Variants in KLHL5 observed in about 807,000 individuals in gnomAD.
The protein encoded by KLHL5 is kelch like family member 5, also known as kelch-like protein 5.
In KLHL5, 48 loss-of-function variants were observed where a neutral mutation model predicts 77.7. The observed-to-expected ratio is 0.62, with a 90% CI of 0.49 to 0.79. The LOEUF (loss-of-function observed/expected upper bound fraction) is 0.79. Ranked by LOEUF, KLHL5 falls within the 30% of genes least tolerant of loss-of-function variation. The pLI is 0.00. For synonymous variants in KLHL5, 260 were observed against 297.0 expected (o/e 0.88, Z 1.28); for missense variants, 723 against 859.7 (o/e 0.84, Z 1.99).
chr4:39,059,217 T>A (rs1306717338), upstream of KLHL5, among the ~76,000 whole-genome samples: 1 of 152,156 alleles, frequency 6.6e-6, no homozygotes, highest in Non-Finnish European at 1.5e-5. Context: ...GGCATTAATG[T>A]TTAAGCTTAC....
At chr4:39,096,925 T>C in intron 6 of KLHL5, 47 bp downstream of exon 6, 1 of 1,488,146 alleles carries the variant, frequency 6.7e-7, no homozygotes, top group Non-Finnish European at 9.4e-7. Context: ...GAGAAAAAGA[T>C]ATTTTAATAA....
intron 5 of KLHL5, among the ~76,000 whole-genome samples, chr4:39,091,355 G>A (rs182318195): frequency 2.0e-4 from 31 of 152,044 alleles, no homozygotes; most frequent in African/African-American, 7.2e-4. Flanking sequence ...TCAACTACTG[G>A]ACTCAAGTGA....
chr4:39,101,998 G>C (rs1721619500), intron 6 of KLHL5, among the ~76,000 whole-genome samples: 1 of 144,374 alleles, frequency 6.9e-6, no homozygotes. Flanking sequence ...ATATATGCAT[G>C]CAGAGGTAGA....
At chr4:39,113,971 A>AGTGT (rs1000446971) in intron 9 of KLHL5, among the ~76,000 whole-genome samples, 2 of 151,680 alleles carry the variant, frequency 1.3e-5, no homozygotes, top group East Asian at 3.9e-4. Flanking sequence ...TGTGACAGAG[A>AGTGT]GTGTGTGTGT....
At chr4:39,086,453 T>C in intron 4 of KLHL5, 62 bp from the exon 5 acceptor site, 1 of 1,323,928 alleles carries the variant, frequency 7.6e-7, no homozygotes, top group South Asian at 1.2e-5. Context: ...TTTACTTTCT[T>C]CTAAGTAAAT....
intron 6 of KLHL5, among the ~76,000 whole-genome samples, chr4:39,098,866 A>C (rs1721307321): frequency 6.6e-6 from 1 of 152,088 alleles, no homozygotes; most frequent in African/African-American, 2.4e-5. Flanking sequence ...GCCCGGCCAC[A>C]ACTTACTCTT....
rs1442397921 is a variant in KLHL5, at chr4:39,124,889, G to A, written c.*3823G>A. 6.9e-6 allele frequency among the ~76,000 whole-genome samples: 1 copy of A among 145,946 alleles called. No homozygotes were observed. Among genetic ancestry groups the A allele is most frequent in the Non-Finnish European group, 1.5e-5 (1 of 66,774 alleles). On this transcript the variant is annotated 3_prime_UTR_variant, in exon 11 of 11. Coordinates refer to ENST00000504108, the MANE Select transcript of KLHL5 (RefSeq NM_015990.5). ...GAAGAAAGTGAAAAGACAACCCACA[G>A]AATGGGAGAAAATATTTGTAAATCT...
intron 5 of KLHL5, chr4:39,093,247 A>T: frequency 2.3e-6 from 1 of 431,182 alleles, no homozygotes; most frequent in Non-Finnish European, 4.6e-6. Flanking sequence ...GAAAGAAGCA[A>T]GACACCAGAG....
At chr4:39,097,246 A>G (rs879701753) in intron 6 of KLHL5, among the ~76,000 whole-genome samples, 4 of 152,248 alleles carry the variant, frequency 2.6e-5, no homozygotes, top group Non-Finnish European at 5.9e-5. Context: ...GAAGAATGCC[A>G]ACGAATGAAT....
intron 10 of KLHL5, among the ~76,000 whole-genome samples, chr4:39,118,615 G>GT (rs1723011037): frequency 6.6e-6 from 1 of 152,106 alleles, no homozygotes; most frequent in Admixed American, 6.5e-5. Context: ...AGTTAGCTGG[G>GT]CGTGGTGGCG....
chr4:39,131,485 A>G (rs967480140), downstream of KLHL5, among the ~76,000 whole-genome samples: 4 of 152,238 alleles, frequency 2.6e-5, no homozygotes, highest in Non-Finnish European at 5.9e-5. Flanking sequence ...TAGATTATTC[A>G]GAAGAATCAT....
At chr4:39,131,833 A>G (rs1306804546), downstream of KLHL5, among the ~76,000 whole-genome samples, 1 of 151,390 alleles carries the variant, frequency 6.6e-6, no homozygotes, top group Non-Finnish European at 1.5e-5. Flanking sequence ...GGCTCCAGTG[A>G]GCCAAGATCA....
chr4:39,064,959 C>T (rs1717757207), intron 1 of KLHL5, among the ~76,000 whole-genome samples: 1 of 151,868 alleles, frequency 6.6e-6, no homozygotes. Context: ...TCTTCAGTGA[C>T]CAAACTATTC....
chr4:39,139,866 G>A, the KLHL5 span, among the ~76,000 whole-genome samples: 1 of 152,102 alleles, frequency 6.6e-6, no homozygotes, highest in South Asian at 2.1e-4. Flanking sequence ...AGCTAGCTTG[G>A]AACTTTCAAA....
chr4:39,068,437 C>CTGTGTGTGTGTGTGTGTGTGTG (rs71192818), intron 1 of KLHL5, among the ~76,000 whole-genome samples: 3 of 147,860 alleles, frequency 2.0e-5, no homozygotes, highest in Non-Finnish European at 3.0e-5. Flanking sequence ...CCAGAAAACA[C>CTGTGTGTGTGTGTGTGTGTGTG]TGTGTGTGTG....
At chr4:39,051,119 G>T (rs192791312) in intron 1 of KLHL5, among the ~76,000 whole-genome samples, 114 of 152,180 alleles carry the variant, frequency 7.5e-4, no homozygotes, top group African/African-American at 2.6e-3. Flanking sequence ...TCTTTATCTG[G>T]ACATTTTACA....
chr4:39,101,857 A>AT lies in KLHL5; in HGVS notation c.1301-1430_1301-1429insT, dbSNP rs1553892980. Among the ~76,000 whole-genome samples, 1,029 of 122,512 alleles carry AT rather than the reference A, an allele frequency of 8.4e-3. 1 individual carries two copies. Among genetic ancestry groups the AT allele is most frequent in the Non-Finnish European group, 0.012 (738 of 60,988 alleles). 80.4% of individuals were successfully genotyped at this position (122,512 alleles called of 152,430 possible). ...CAACAGTCTGTCTCAAAAAAAAAAAAAAATATATATATATATATATACACA... is the reference window on the plus strand; with the variant it reads ...CAACAGTCTGTCTCAAAAAAAAAAAATAAATATATATATATATATATACACA... On this transcript the variant is annotated intron_variant, in intron 6 of 10. Transcript: ENST00000504108.
At chr4:39,050,937 T>A (rs189841929) in intron 1 of KLHL5, among the ~76,000 whole-genome samples, 63 of 152,196 alleles carry the variant, frequency 4.1e-4, no homozygotes, top group African/African-American at 1.4e-3. Context: ...CCCTTCTTCC[T>A]CTCCCAGGGT....
intron 10 of KLHL5, among the ~76,000 whole-genome samples, chr4:39,118,376 G>C (rs940495260): frequency 1.3e-5 from 2 of 151,546 alleles, no homozygotes; most frequent in African/African-American, 4.9e-5. Context: ...GACAAGAAGA[G>C]GGTAGAGAGA....
Sources: allele counts gnomAD v4.1 joint callset (sites outside exome capture counted in the v4.1 genomes callset), GRCh38; gene constraint gnomAD v4.1.1; transcripts MANE v1.5; gene names NCBI Gene and HGNC (gene_info 2026-07-23, HGNC 2026-07-21).